The following TNNI3K variants were observed in gnomAD, a reference collection of about 807,000 sequenced individuals.
TNNI3K encodes serine/threonine-protein kinase TNNI3K.
A neutral mutation model predicts 114.5 loss-of-function variants in TNNI3K; 140 were observed. That is an observed-to-expected ratio of 1.22 (90% CI 1.07 to 1.41). The LOEUF is 1.41. Ranked by LOEUF, TNNI3K falls within the 40% of genes most tolerant of loss-of-function variation. TNNI3K has a pLI of 0.00. For missense variants in TNNI3K, 1,125 were observed against 1,007.6 expected (o/e 1.12, Z -1.58); for synonymous variants, 347 against 347.5 (o/e 1.00, Z 0.02).
intron 17 of TNNI3K, among the ~76,000 whole-genome samples, chr1:74,415,649 C>A (rs561038146): frequency 1.8e-4 from 27 of 151,616 alleles, no homozygotes; most frequent in Middle Eastern, 6.9e-3. Flanking sequence ...TTTATACTTT[C>A]TACTTTATTG....
intron 20 of TNNI3K, among the ~76,000 whole-genome samples, chr1:74,459,730 T>C (rs1174036886): frequency 6.6e-6 from 1 of 152,234 alleles, no homozygotes; most frequent in African/African-American, 2.4e-5. Context: ...CTGTAGCTTT[T>C]CACTGGTCTA....
chr1:74,475,116 CCACACACA>C (rs3058791), intron 21 of TNNI3K, among the ~76,000 whole-genome samples: 46 of 135,988 alleles, frequency 3.4e-4, no homozygotes, highest in East Asian at 3.2e-3. Flanking sequence ...CCACCTCAGC[CCACACACA>C]CACACACACA....
intron 17 of TNNI3K, among the ~76,000 whole-genome samples, chr1:74,424,194 T>G (rs1250710783): frequency 6.6e-6 from 1 of 152,134 alleles, no homozygotes; most frequent in Non-Finnish European, 1.5e-5. Context: ...GGTGATGTCC[T>G]TCACTAAGAG....
chr1:74,518,336 T>C (rs980237371), intron 23 of TNNI3K, among the ~76,000 whole-genome samples: 1 of 152,182 alleles, frequency 6.6e-6, no homozygotes, highest in Non-Finnish European at 1.5e-5. Flanking sequence ...TATTTCCACA[T>C]AGCCTCTTAC....
chr1:74,252,300 G>A (rs1470565491), intron 4 of TNNI3K, among the ~76,000 whole-genome samples: 1 of 151,916 alleles, frequency 6.6e-6, no homozygotes, highest in African/African-American at 2.4e-5. Context: ...TTAGAGAAGG[G>A]TGCATAAACT....
intron 17 of TNNI3K, chr1:74,374,767 CCT>C (rs1662819786): frequency 6.6e-6 from 1 of 151,772 alleles, no homozygotes; most frequent in Admixed American, 6.6e-5. Flanking sequence ...CAGGAATGTA[CCT>C]CTCTAATTTG....
chr1:74,470,676 C>G (rs189614996), intron 21 of TNNI3K: 2 of 400,382 alleles, frequency 5.0e-6, no homozygotes, highest in African/African-American at 4.1e-5. Context: ...TACAATTTTC[C>G]ACAATTTGAT....
chr1:74,399,422 A>G (rs980475725), intron 17 of TNNI3K, among the ~76,000 whole-genome samples: 1 of 152,020 alleles, frequency 6.6e-6, no homozygotes, highest in African/African-American at 2.4e-5. Flanking sequence ...TCTGACTCAA[A>G]CCCCACCTCT....
intron 17 of TNNI3K, among the ~76,000 whole-genome samples, chr1:74,407,679 A>T (rs1158271741): frequency 1.3e-5 from 2 of 152,060 alleles, no homozygotes; most frequent in East Asian, 3.9e-4. Context: ...CTGATCTTAT[A>T]CTTGACTTTA....
chr1:74,539,682 T>A (rs1646702794), intron 23 of TNNI3K, among the ~76,000 whole-genome samples: 1 of 152,106 alleles, frequency 6.6e-6, no homozygotes, highest in Non-Finnish European at 1.5e-5. Context: ...CAAACCTGCA[T>A]GACAAGTTAC....
chr1:74,237,922 G>A (rs1429489753), intron 2 of TNNI3K, among the ~76,000 whole-genome samples: 1 of 152,008 alleles, frequency 6.6e-6, no homozygotes, highest in Non-Finnish European at 1.5e-5. Flanking sequence ...AAGGATTAGA[G>A]ACAAGGCAGT....
intron 23 of TNNI3K, among the ~76,000 whole-genome samples, chr1:74,514,459 C>G (rs1646319388): frequency 1.3e-5 from 2 of 152,118 alleles, no homozygotes; most frequent in African/African-American, 4.8e-5. Context: ...TGCTGTTGTT[C>G]TCTACTATCT....
intron 5 of TNNI3K, among the ~76,000 whole-genome samples, chr1:74,296,045 G>A (rs1263159715): frequency 2.0e-5 from 3 of 152,082 alleles, no homozygotes; most frequent in Non-Finnish European, 4.4e-5. Flanking sequence ...GGAGTCCAAG[G>A]CGGGCGGATC....
chr1:74,329,956 C>CTTCTATTAGACTTT (rs1660110312), intron 5 of TNNI3K, among the ~76,000 whole-genome samples: 1 of 152,000 alleles, frequency 6.6e-6, no homozygotes, highest in Non-Finnish European at 1.5e-5. Context: ...TCTGTTTTCT[C>CTTCTATTAGACTTT]TTCTAATAGA....
intron 17 of TNNI3K, among the ~76,000 whole-genome samples, chr1:74,377,908 G>A (rs1230643762): frequency 6.6e-6 from 1 of 151,940 alleles, no homozygotes; most frequent in East Asian, 1.9e-4. Flanking sequence ...TTATATCAAT[G>A]CACATATAAG....
At chr1:74,486,670 A>C (rs1459629738) in intron 21 of TNNI3K, among the ~76,000 whole-genome samples, 1 of 151,994 alleles carries the variant, frequency 6.6e-6, no homozygotes, top group African/African-American at 2.4e-5. Flanking sequence ...CATAAGACTG[A>C]ATTAACTCCT....
intron 23 of TNNI3K, among the ~76,000 whole-genome samples, chr1:74,529,372 C>T (rs1175483962): frequency 6.6e-6 from 1 of 152,060 alleles, no homozygotes; most frequent in African/African-American, 2.4e-5. Context: ...TCTGATAAAA[C>T]CAAATTGAAG....
At chr1:74,342,816 A>G (rs1660813694) in intron 7 of TNNI3K, 26 bp from the exon 8 acceptor site, 1 of 1,612,600 alleles carries the variant, frequency 6.2e-7, no homozygotes, top group Admixed American at 1.7e-5. Flanking sequence ...TAGATAACAT[A>G]TCTTTTTCTT....
chr1:74,507,633 C>T (rs1051532963), intron 23 of TNNI3K, among the ~76,000 whole-genome samples: 4 of 152,164 alleles, frequency 2.6e-5, no homozygotes, highest in African/African-American at 9.6e-5. Context: ...TAATGTACTT[C>T]TTGTTCTCCT....
Sources: allele counts gnomAD v4.1 joint callset (sites outside exome capture counted in the v4.1 genomes callset), GRCh38; gene constraint gnomAD v4.1.1; transcripts MANE v1.5; gene names NCBI Gene and HGNC (gene_info 2026-07-23, HGNC 2026-07-21).